ASTN2: variants seen among roughly 807,000 people sequenced by gnomAD.
ASTN2 encodes the protein astrotactin 2, also known as astrotactin-2.
In ASTN2, 54 loss-of-function variants were observed where a neutral mutation model predicts 139.8. That is an observed-to-expected ratio of 0.39 (90% CI 0.31 to 0.48). ASTN2 has a LOEUF of 0.48. ASTN2 is among the 20% of genes least tolerant of loss of function. The pLI is 0.95. For missense variants in ASTN2, 1,565 were observed against 1,725.1 expected (o/e 0.91, Z 1.64); for synonymous variants, 756 against 719.5 (o/e 1.05, Z -0.81).
chr9:117,212,470 C>T (rs1832166978), intron 3 of ASTN2, among the ~76,000 whole-genome samples: 1 of 151,960 alleles, frequency 6.6e-6, no homozygotes, highest in Admixed American at 6.5e-5. Flanking sequence ...AATGAAAACA[C>T]AACCTACAGA....
Position 117,080,977 on chromosome 9 carries a change from G to T in ASTN2, c.1276+15067C>A, listed in dbSNP as rs189414160. Among the ~76,000 whole-genome samples, 69 of 152,286 alleles carry T rather than the reference G, an allele frequency of 4.5e-4. 5 individuals are homozygous for T. The highest frequency in any genetic ancestry group is 1.6e-3 in the African/African-American group (65 of 41,556). On this transcript the variant is annotated intron_variant, in intron 5 of 22. Transcript: ENST00000313400. ...AATGTAATGGATAGAGAGCCAAGGGGACTTTCCCAAAGCTCTCCAGCATTT... is the reference window on the plus strand; with the variant it reads ...AATGTAATGGATAGAGAGCCAAGGGTACTTTCCCAAAGCTCTCCAGCATTT...
chr9:116,620,100 A>T (rs533307419), intron 18 of ASTN2, among the ~76,000 whole-genome samples: 70 of 152,284 alleles, frequency 4.6e-4, no homozygotes, highest in African/African-American at 1.5e-3. Flanking sequence ...TAAAACAAGC[A>T]TGCACTGCAA....
At chr9:116,971,425 T>G (rs1564365504) in intron 10 of ASTN2, among the ~76,000 whole-genome samples, 1 of 152,196 alleles carries the variant, frequency 6.6e-6, no homozygotes, top group Non-Finnish European at 1.5e-5. Flanking sequence ...TTTGCTTAAT[T>G]CCCTCAGTCG....
intron 1 of ASTN2, among the ~76,000 whole-genome samples, chr9:117,384,120 C>T (rs935283751): frequency 7.2e-5 from 11 of 152,132 alleles, no homozygotes; most frequent in African/African-American, 2.7e-4. Context: ...GGCGGTGGGA[C>T]TGAGCTGCTG....
At chr9:116,615,057 G>A (rs1285260563) in intron 19 of ASTN2, among the ~76,000 whole-genome samples, 1 of 152,090 alleles carries the variant, frequency 6.6e-6, no homozygotes, top group Non-Finnish European at 1.5e-5. Context: ...ATCAAAAAGT[G>A]GGCAAAGGAT....
chr9:117,042,445 T>A (rs369376585), intron 5 of ASTN2, among the ~76,000 whole-genome samples: 12 of 152,176 alleles, frequency 7.9e-5, no homozygotes, highest in Admixed American at 7.9e-4. Flanking sequence ...GTAGGAACTA[T>A]ACATGAGATT....
intron 1 of ASTN2, among the ~76,000 whole-genome samples, chr9:117,300,605 A>T (rs1038247800): frequency 6.6e-6 from 1 of 152,204 alleles, no homozygotes; most frequent in Admixed American, 6.5e-5. Context: ...AGGAGATTGG[A>T]CAGGGCAAGC....
At position 117,158,242 on chromosome 9, in the gene ASTN2, C is replaced by T. The variant is rs80231195; in HGVS notation, c.1016-16764G>A. 6.2e-3 allele frequency among the ~76,000 whole-genome samples: 940 copies of T among 152,084 alleles called. 6 individuals carry two copies. The highest frequency in any genetic ancestry group is 0.027 in the Middle Eastern group (8 of 294). On this transcript the variant is annotated intron_variant, in intron 3 of 22. Transcript: ENST00000313400. ...CTGTGCAAGTCCAGATACAAAGATA[C>T]AGATTTTGACTATAGCAGTATCAAA... is the stretch of plus-strand genomic sequence containing the variant.
intron 4 of ASTN2, 75 bp downstream of exon 4, chr9:117,141,251 A>G: frequency 7.7e-7 from 1 of 1,302,670 alleles, no homozygotes; most frequent in South Asian, 1.2e-5. Flanking sequence ...GGAAGAATGC[A>G]CAGATCTCCC....
intron 13 of ASTN2, among the ~76,000 whole-genome samples, chr9:116,770,659 C>T (rs115498704): frequency 0.033 from 4,962 of 152,216 alleles, 284 homozygotes; most frequent in African/African-American, 0.11. Context: ...CTTTGAACAC[C>T]TTCTTATGGA....
chr9:116,461,471 C>T (rs1253286052), intron 20 of ASTN2, among the ~76,000 whole-genome samples: 1 of 152,074 alleles, frequency 6.6e-6, no homozygotes, highest in Admixed American at 6.6e-5. Context: ...TATGTACACA[C>T]ATGCACACAC....
intron 1 of ASTN2, among the ~76,000 whole-genome samples, chr9:117,313,638 C>T (rs894071215): frequency 7.2e-5 from 11 of 152,058 alleles, no homozygotes; most frequent in African/African-American, 2.7e-4. Flanking sequence ...ACATTGAGTG[C>T]CACTGATTGA....
At chr9:116,865,423 CAAAAAAAAAAAAA>C (rs869251101) in intron 10 of ASTN2, among the ~76,000 whole-genome samples, 69 of 48,852 alleles carry the variant, frequency 1.4e-3, no homozygotes, top group Non-Finnish European at 2.0e-3. Flanking sequence ...AACACTGTCT[CAAAAAAAAAAAAA>C]AAAAAAAAAA....
chr9:116,557,243 AAAAAAAG>A (rs1737569491), intron 19 of ASTN2, among the ~76,000 whole-genome samples: 1 of 151,156 alleles, frequency 6.6e-6, no homozygotes, highest in Admixed American at 6.6e-5. Flanking sequence ...AAAAAAAAAA[AAAAAAAG>A]AAAAGAAAAA....
chr9:116,859,080 C>T (rs1564309097), intron 11 of ASTN2, among the ~76,000 whole-genome samples: 1 of 152,204 alleles, frequency 6.6e-6, no homozygotes, highest in Non-Finnish European at 1.5e-5. Flanking sequence ...ATGTAACTCT[C>T]TTCCTCCAAC....
At chr9:117,072,722 A>G (rs1383596270) in intron 5 of ASTN2, among the ~76,000 whole-genome samples, 1 of 152,124 alleles carries the variant, frequency 6.6e-6, no homozygotes, top group Non-Finnish European at 1.5e-5. Flanking sequence ...GTCCAACTTT[A>G]TTTATTTATT....
chr9:116,685,603 G>A (rs1229119455), intron 16 of ASTN2, among the ~76,000 whole-genome samples: 3 of 152,184 alleles, frequency 2.0e-5, no homozygotes. Flanking sequence ...ATGCCTCTGT[G>A]TAAGAGGAAT....
rs1267305407 is a variant in ASTN2 at position 117,214,462 on chromosome 9, C to T, written c.911G>A (p.Arg304Gln). Residue 304 changes from arginine (R) to glutamine (Q), a missense_variant, in exon 3 of 23, where the codon CGG (arginine) becomes CAG (glutamine). Transcript: ENST00000313400. The stretch of plus-strand genomic sequence containing the variant: ...GTCCTCGCGGGAGACATGGTTGGCC[C>T]GCCTAGGTGGCTCCTCATCCTCCTC... ...DCEEDEEPPR[R>Q]ANHVSREDEF... 2 of 1,614,110 alleles carry T rather than the reference C, an allele frequency of 1.2e-6. No homozygotes were observed. The highest frequency in any genetic ancestry group is 1.1e-5 in the South Asian group (1 of 91,082).
At chr9:116,662,312 C>T (rs1352517365) in intron 16 of ASTN2, among the ~76,000 whole-genome samples, 1 of 152,104 alleles carries the variant, frequency 6.6e-6, no homozygotes. Context: ...GTGGCTCATG[C>T]CTGTAATTCC....
Sources: allele counts gnomAD v4.1 joint callset (sites outside exome capture counted in the v4.1 genomes callset), GRCh38; gene constraint gnomAD v4.1.1; transcripts MANE v1.5; gene names NCBI Gene and HGNC (gene_info 2026-07-23, HGNC 2026-07-21).